SORBS2: variants seen among roughly 807,000 people sequenced by gnomAD.
SORBS2 encodes sorbin and SH3 domain containing 2, also known as sorbin and SH3 domain-containing protein 2.
In SORBS2, 46 loss-of-function variants were observed where a neutral mutation model predicts 97.7. That is an observed-to-expected ratio of 0.47 (90% confidence interval 0.37 to 0.60). The LOEUF (loss-of-function observed/expected upper bound fraction) is 0.60, where lower values mean the gene tolerates loss of function less well. Ranked by LOEUF, SORBS2 falls within the 20% of genes least tolerant of loss-of-function variation. The pLI is 0.00. For synonymous variants in SORBS2, 476 were observed against 473.4 expected (o/e 1.01, Z -0.07); for missense variants, 1,316 against 1,282.3 (o/e 1.03, Z -0.40).
At chr4:185,699,943 A>C (rs1415788348) in intron 2 of SORBS2, among the ~76,000 whole-genome samples, 1 of 152,216 alleles carries the variant, frequency 6.6e-6, no homozygotes, top group East Asian at 1.9e-4. Flanking sequence ...TCATAGGTGA[A>C]TAAAAGGTAC....
intron 1 of SORBS2, among the ~76,000 whole-genome samples, chr4:185,886,081 G>T (rs2099239279): frequency 6.6e-6 from 1 of 152,186 alleles, no homozygotes; most frequent in African/African-American, 2.4e-5. Context: ...TGTGTTACAG[G>T]TGAACATAGC....
chr4:185,618,548 C>T lies in SORBS2; in HGVS notation c.2351+37G>A, dbSNP rs200116217. 962 of 1,229,426 alleles carry T rather than the reference C, an allele frequency of 7.8e-4. 1 individual carries two copies. Among genetic ancestry groups the T allele is most frequent in the Non-Finnish European group, 1.0e-3 (924 of 888,088 alleles). 76.2% of individuals were successfully genotyped at this position (1,229,426 alleles called of 1,614,324 possible). ...TTAAAGCATTACTAACATTTAAAAC[C>T]ACCTTAAATCATATGATGAGTATTT... On this transcript the variant is annotated intron_variant, in intron 9 of 14. Coordinates refer to ENST00000418609, the Ensembl canonical transcript of SORBS2.
intron 4 of SORBS2, among the ~76,000 whole-genome samples, chr4:185,631,895 C>T (rs1029507870): frequency 1.3e-5 from 2 of 152,202 alleles, no homozygotes; most frequent in Non-Finnish European, 2.9e-5. Flanking sequence ...ATCAATTCAT[C>T]ACAGATAAAA....
intron 2 of SORBS2, among the ~76,000 whole-genome samples, chr4:185,744,163 A>G (rs543554870): frequency 1.3e-4 from 16 of 125,750 alleles, no homozygotes; most frequent in African/African-American, 4.3e-4. Flanking sequence ...TTTTTTTGTT[A>G]TTTGATCTCC....
chr4:185,908,690 A>G (rs1561290274), intron 1 of SORBS2, among the ~76,000 whole-genome samples: 2 of 151,902 alleles, frequency 1.3e-5, no homozygotes, highest in Non-Finnish European at 1.5e-5. Context: ...ATTTTTGTAA[A>G]TATTTCTATA....
At chr4:185,697,468 T>C (rs185202949) in intron 2 of SORBS2, among the ~76,000 whole-genome samples, 51 of 152,112 alleles carry the variant, frequency 3.4e-4, no homozygotes, top group African/African-American at 6.8e-4. Context: ...GCTAAGATTT[T>C]CCCCCCCACA....
intron 1 of SORBS2, among the ~76,000 whole-genome samples, chr4:185,929,224 T>C (rs1393013824): frequency 2.0e-5 from 3 of 152,188 alleles, no homozygotes; most frequent in Non-Finnish European, 4.4e-5. Context: ...TTTCTGGGTC[T>C]GCAAGTCTGG....
chr4:185,751,800 C>T (rs2098801981), intron 2 of SORBS2, among the ~76,000 whole-genome samples: 1 of 152,120 alleles, frequency 6.6e-6, no homozygotes, highest in African/African-American at 2.4e-5. Context: ...CCAAGATGCA[C>T]TGGAGAGGGG....
At chr4:185,818,697 G>C (rs922611072) in intron 1 of SORBS2, among the ~76,000 whole-genome samples, 23 of 151,936 alleles carry the variant, frequency 1.5e-4, no homozygotes, top group African/African-American at 5.3e-4. Flanking sequence ...CTGGTGGTGG[G>C]CGCCTGTAGT....
At chr4:185,732,753 T>C (rs2098652066) in intron 2 of SORBS2, among the ~76,000 whole-genome samples, 1 of 152,196 alleles carries the variant, frequency 6.6e-6, no homozygotes, top group South Asian at 2.1e-4. Context: ...TATGTTGAAG[T>C]CCTTCCTCAC....
intron 1 of SORBS2, among the ~76,000 whole-genome samples, chr4:185,892,239 T>C (rs1439984317): frequency 1.3e-5 from 2 of 152,146 alleles, no homozygotes; most frequent in Non-Finnish European, 2.9e-5. Flanking sequence ...TACAGAAGAA[T>C]AAAGAGGTTA....
rs1420726196 is a variant in SORBS2, at chr4:185,879,482, G to A, written c.-338+76714C>T. Reference sequence around the variant, plus strand: ...GTGAATAGTGCTGCAATAAACATACGTGTGCATGTGTCTTTATAGCAGCAT... The same window carrying A: ...GTGAATAGTGCTGCAATAAACATACATGTGCATGTGTCTTTATAGCAGCAT... On this transcript the variant is annotated intron_variant, in intron 1 of 20. Transcript: ENST00000284776. Among the ~76,000 whole-genome samples the A allele has an allele frequency of 9.2e-5, 14 of 152,046 alleles. No individual in the cohort carries two copies. The South Asian group carries it at 1.2e-3, about 14-fold the overall frequency.
exon 13 of SORBS2, chr4:185,593,908 T>C: frequency 6.2e-7 from 1 of 1,607,982 alleles, no homozygotes; most frequent in African/African-American, 1.3e-5. Flanking sequence ...CCTTGAATAT[T>C]TTCATGAGTA....
In SORBS2 at chr4:185,879,172, C is replaced by T. The variant is rs113811797; in HGVS notation, c.-338+77024G>A. ...ATCTCCTAATGCTATCCCTCCCCCCCCCCCACCCCACGACAGGCCCCGGTG... is the reference window on the plus strand; with the variant it reads ...ATCTCCTAATGCTATCCCTCCCCCCTCCCCACCCCACGACAGGCCCCGGTG... On this transcript the variant is annotated intron_variant, in intron 1 of 20. Coordinates refer to the SORBS2 transcript ENST00000284776. 4.9e-4 allele frequency among the ~76,000 whole-genome samples: 49 copies of T among 100,330 alleles called. 4 individuals are homozygous for T. Among genetic ancestry groups the T allele is most frequent in the Admixed American group, 2.9e-3 (32 of 11,040 alleles). The allele number at this position is 100,330 out of a possible 152,430, so 65.8% of individuals were successfully genotyped here. A position where few individuals can be genotyped will look rare whatever the true frequency, so the allele number is the denominator to read the frequency against.
chr4:185,928,723 T>G (rs977055746), intron 1 of SORBS2, among the ~76,000 whole-genome samples: 1 of 152,144 alleles, frequency 6.6e-6, no homozygotes, highest in Non-Finnish European at 1.5e-5. Flanking sequence ...TTATTTTGTA[T>G]TTTTAGTAGA....
chr4:185,889,383 A>G (rs2099241329), intron 1 of SORBS2, among the ~76,000 whole-genome samples: 1 of 151,190 alleles, frequency 6.6e-6, no homozygotes, highest in Non-Finnish European at 1.5e-5. Flanking sequence ...ACTGCTTCCG[A>G]TGCCTCACCA....
intron 2 of SORBS2, chr4:185,771,490 G>C (rs537401400): frequency 6.6e-6 from 1 of 152,314 alleles, no homozygotes; most frequent in East Asian, 1.9e-4. Flanking sequence ...GCTGATAAAT[G>C]CTACACTATG....
chr4:185,758,167 A>G (rs1011078413), intron 2 of SORBS2, among the ~76,000 whole-genome samples: 1 of 152,244 alleles, frequency 6.6e-6, no homozygotes, highest in African/African-American at 2.4e-5. Flanking sequence ...CTAGTAAATC[A>G]GCATTATTTC....
chr4:185,810,075 T>C (rs543267058), intron 1 of SORBS2, among the ~76,000 whole-genome samples: 3 of 152,372 alleles, frequency 2.0e-5, no homozygotes, highest in African/African-American at 7.2e-5. Context: ...ACTAAGTCTG[T>C]TCATTTAGCT....
Sources: gnomAD v4.1 joint callset for allele counts (sites outside exome capture counted in the v4.1 genomes callset) on GRCh38, gnomAD v4.1.1 for gene constraint, MANE v1.5 for transcripts, NCBI Gene and HGNC (gene_info 2026-07-23, HGNC 2026-07-21) for gene names.